STAB1: variants seen among roughly 807,000 people sequenced by gnomAD.
STAB1 encodes the protein stabilin-1.
In STAB1, 250 loss-of-function variants were observed where a neutral mutation model predicts 332.4. The ratio of observed to expected loss-of-function variants is 0.75; its 90% CI spans 0.68 to 0.84. The LOEUF (loss-of-function observed/expected upper bound fraction) is 0.84, where lower values mean the gene tolerates loss of function less well. Ranked by LOEUF, STAB1 falls within the 40% of genes least tolerant of loss-of-function variation. STAB1 has a pLI of 0.00. For synonymous variants in STAB1, 1,475 were observed against 1,390.4 expected, an observed-to-expected ratio of 1.06 and a Z score of -1.35; for missense variants, 3,249 against 3,489.7, an observed-to-expected ratio of 0.93 and a Z score of 1.74.
intron 16 of STAB1, 90 bp downstream of exon 16, chr3:52,506,026 C>T (rs765265424): frequency 3.4e-4 from 522 of 1,549,134 alleles, no homozygotes; most frequent in Non-Finnish European, 4.3e-4. Context: ...ATCTCTTCTC[C>T]ATCTCCCTTC....
At position 52,523,032 on chromosome 3, in the gene STAB1, C is replaced by G. The variant is rs1266219100; in HGVS notation, c.6918C>G (p.Ala2306=). 3 of 1,573,688 alleles carry G rather than the reference C, an allele frequency of 1.9e-6. No homozygotes were observed. Among genetic ancestry groups the G allele is most frequent in the East Asian group, 2.3e-5 (1 of 44,434 alleles). The change falls in exon 63 of 69, where the codon GCC becomes GCG. Residue 2306 remains alanine (A), a synonymous_variant. Coordinates refer to ENST00000321725, the MANE Select transcript of STAB1 (RefSeq NM_015136.3). ...DAYCFRVQDV[A]CRCRNGFVGD... is the part of the protein sequence containing the mutation. ...GACCTGCTTTTCCTGCAGATGTGGCCTGCCGATGCCGAAATGGCTTCGTGG... is the reference window on the plus strand; with the variant it reads ...GACCTGCTTTTCCTGCAGATGTGGCGTGCCGATGCCGAAATGGCTTCGTGG...
In STAB1 at chr3:52,520,187, T is replaced by G. The variant is rs191511152; in HGVS notation, c.5413-17T>G. The G allele has an allele frequency of 6.2e-7, 1 of 1,613,034 alleles. No homozygotes were observed. The highest frequency in any genetic ancestry group is 8.5e-7 in the Non-Finnish European group (1 of 1,180,008). ...CAGCCTGCCTTTCCACCTCCAACCA[T>G]GACTCCACTTGCTCAGGCCTTGGCA... On this transcript the variant is annotated splice_polypyrimidine_tract_variant and intron_variant, in intron 51 of 68. Coordinates refer to ENST00000321725, the MANE Select transcript of STAB1 (RefSeq NM_015136.3).
Position 52,513,770 on chromosome 3 carries a change from C to T in STAB1, c.3324C>T (p.Asn1108=), listed in dbSNP as rs147729985. The T allele has an allele frequency of 4.1e-4, 669 of 1,613,400 alleles. 1 individual carries two copies. The highest frequency in any genetic ancestry group is 3.2e-3 in the African/African-American group (239 of 75,048). Residue 1108 remains asparagine, a synonymous_variant, in exon 31 of 69, where the codon AAC becomes AAT. Coordinates refer to ENST00000321725, the MANE Select transcript of STAB1 (RefSeq NM_015136.3). The part of the protein sequence containing the change: ...SVDVADLLAT[N]GVLHILSQVL... ...ATGTGGCTGACCTCCTTGCCACCAA[C>T]GGTGTCCTACACATCCTCAGCCAGG... is the stretch of plus-strand genomic sequence containing the variant.
At chr3:52,497,128 A>G (rs940535134) in intron 1 of STAB1, among the ~76,000 whole-genome samples, 1 of 152,050 alleles carries the variant, frequency 6.6e-6, no homozygotes, top group African/African-American at 2.4e-5. Flanking sequence ...CAGCCTCCCG[A>G]GAACTGGGAT....
Position 52,508,339 on chromosome 3 carries a change from C to T in STAB1, c.2215C>T (p.Pro739Ser). 2 of 1,613,882 alleles carry T rather than the reference C, an allele frequency of 1.2e-6. No homozygotes were observed. The highest frequency in any genetic ancestry group is 2.2e-5 in the South Asian group (2 of 91,080). Residue 739 changes from proline (P) to serine (S), a missense_variant, in exon 21 of 69, where the codon CCC (proline) becomes TCC (serine). Coordinates refer to ENST00000321725, the MANE Select transcript of STAB1 (RefSeq NM_015136.3). ...CTQCPGGFSN[P>S]CYGKGNCSDG... ...GCAGTGTCCTGGGGGCTTCTCCAAC[C>T]CCTGCTATGGCAAAGGCAATGTGAG...
chr3:52,517,540 C>A lies in STAB1; in HGVS notation c.4564-10C>A, dbSNP rs765998016. On this transcript the variant is annotated splice_polypyrimidine_tract_variant and intron_variant, in intron 43 of 68. Transcript: ENST00000321725. ...CTCCCAGCAGCCCCACTGATCAAGA[C>A]TGGGGACAGGTCTCCTGCAGCTGCC... 1 of 1,612,180 alleles carries A rather than the reference C, an allele frequency of 6.2e-7. No individual in the cohort carries two copies. Among genetic ancestry groups the A allele is most frequent in the East Asian group, 2.2e-5 (1 of 44,870 alleles).
rs4234633 is a variant in STAB1, at chr3:52,523,022, C to A, written c.6911-3C>A. On this transcript the variant is annotated splice_region_variant and splice_polypyrimidine_tract_variant and intron_variant, in intron 62 of 68. Coordinates refer to ENST00000321725, the MANE Select transcript of STAB1 (RefSeq NM_015136.3). ...CTGAGCCACTGACCTGCTTTTCCTG[C>A]AGATGTGGCCTGCCGATGCCGAAAT... 1.3e-6 allele frequency: 2 copies of A among 1,577,430 alleles called. No individual in the cohort carries two copies. The highest frequency in any genetic ancestry group is 1.7e-5 in the Admixed American group (1 of 58,518).
chr3:52,524,187 A>G lies in STAB1; in HGVS notation c.7630A>G (p.Ser2544Gly). The G allele has an allele frequency of 6.2e-7, 1 of 1,614,092 alleles. No individual in the cohort carries two copies. The highest frequency in any genetic ancestry group is 8.5e-7 in the Non-Finnish European group (1 of 1,180,028). ...CTCTGTCCCCAACCCTGTCTTTGGC[A>G]GCGACACCTTTTGTGAACCCTTCGA... ...LVSVPNPVFGSDTFCEPFDDS... is the reference protein window; with the variant it reads ...LVSVPNPVFGGDTFCEPFDDS... The change falls in exon 68 of 69, where the codon AGC (serine) becomes GGC (glycine). Residue 2544 changes from serine (S) to glycine (G), a missense_variant. Ser to Gly is a moderately conservative substitution (Grantham distance 56). Transcript: ENST00000321725.
rs752349401 is a variant in STAB1, at chr3:52,506,791, C to G, written c.1930C>G (p.Pro644Ala). 27 of 1,613,106 alleles carry G rather than the reference C, an allele frequency of 1.7e-5. No homozygotes were observed. Among genetic ancestry groups the G allele is most frequent in the Non-Finnish European group, 2.2e-5 (26 of 1,179,960 alleles). ...IHMLDGILLPPTILPILPKHC... is the reference protein window; with the variant it reads ...IHMLDGILLPATILPILPKHC... ...CATGCTGGACGGCATCCTGCTGCCC[C>G]CGACCATCCTGCCCATCCTGCCCAA... is the stretch of plus-strand genomic sequence containing the variant. The change falls in exon 18 of 69, where the codon CCG (proline) becomes GCG (alanine). Residue 644 changes from proline (P) to alanine (A), a missense_variant. Transcript: ENST00000321725.
Position 52,516,348 on chromosome 3 carries a change from C to A in STAB1, c.4145-8C>A. 6.2e-7 allele frequency: 1 copy of A among 1,606,698 alleles called. No individual in the cohort carries two copies. Among genetic ancestry groups the A allele is most frequent in the African/African-American group, 1.3e-5 (1 of 74,764 alleles). ...GGGCAACTCCTATCCTCCTTTATAC[C>A]ACTGCAGTGTGTGACTGTGCCCATG... On this transcript the variant is annotated splice_region_variant and splice_polypyrimidine_tract_variant and intron_variant, in intron 38 of 68. Coordinates refer to ENST00000321725, the MANE Select transcript of STAB1 (RefSeq NM_015136.3).
Position 52,509,364 on chromosome 3 carries a change from G to T in STAB1, c.2347+43G>T, listed in dbSNP as rs372764606. 4 of 1,573,194 alleles carry T rather than the reference G, an allele frequency of 2.5e-6. No homozygotes were observed. The South Asian group carries it at 4.5e-5, about 18-fold the overall frequency. ...AGGCCACCTCCTAGGGAGAAAAAAC[G>T]TCTGCCTAAAGATGGGTCTGGGGGC... On this transcript the variant is annotated intron_variant, in intron 22 of 68. Transcript: ENST00000321725.
In STAB1 at chr3:52,504,530, T is replaced by C. The variant is rs1559677836; in HGVS notation, c.1220T>C (p.Phe407Ser). The C allele has an allele frequency of 3.7e-6, 6 of 1,613,952 alleles. No individual in the cohort carries two copies. In the South Asian group the frequency reaches 6.6e-5, roughly 18 times the overall value. ...GTGCTGGTGCCATCCGTCTCCTCCT[T>C]CTCCTCCAGGACCATGAATGTAAGC... ...FTVLVPSVSS[F>S]SSRTMNASLA... The change falls in exon 11 of 69, where the codon TTC becomes TCC. Residue 407 changes from phenylalanine to serine, a missense_variant. Physicochemically the swap from Phe to Ser is radical, Grantham distance 155 (BLOSUM62 -2). Transcript: ENST00000321725.
rs752451488 is a variant in STAB1, at chr3:52,517,612, C to T, written c.4626C>T (p.Asp1542=). ...GCATCCGGACCTGCGAGCTCCTGGA[C>T]CCCTGCTCTAAGGTCAGGACCCTAG... The part of the protein sequence containing the change: ...GDGIRTCELL[D]PCSKNNGGCS... The change falls in exon 44 of 69, where the codon GAC becomes GAT. Residue 1542 remains aspartate, a synonymous_variant. Transcript: ENST00000321725. The T allele has an allele frequency of 6.2e-7, 1 of 1,612,876 alleles. No homozygotes were observed. Among genetic ancestry groups the T allele is most frequent in the Admixed American group, 1.7e-5 (1 of 59,992 alleles).
At chr3:52,501,421 G>A (rs1708433686) in intron 2 of STAB1, 119 bp downstream of exon 2, 2 of 1,478,604 alleles carry the variant, frequency 1.4e-6, no homozygotes, top group Non-Finnish European at 1.8e-6. Flanking sequence ...TGCCCCTGTG[G>A]CCCCACCTGG....
rs373494440 is a variant in STAB1 at position 52,524,362 on chromosome 3, C to T, written c.*6C>T. On this transcript the variant is annotated 3_prime_UTR_variant, in exon 69 of 69. Transcript: ENST00000321725. ...GGATCCTCACAGTCAAGTGACGAGGCTGGGGCTGAAAGCAGAAGCATGCAC... is the reference window on the plus strand; with the variant it reads ...GGATCCTCACAGTCAAGTGACGAGGTTGGGGCTGAAAGCAGAAGCATGCAC... 124 of 1,613,568 alleles carry T rather than the reference C, an allele frequency of 7.7e-5. No homozygotes were observed. Among genetic ancestry groups the T allele is most frequent in the Non-Finnish European group, 1.0e-4 (123 of 1,179,988 alleles).
At chr3:52,507,522 T>C in intron 18 of STAB1, 91 bp from the exon 19 acceptor site, 1 of 1,381,454 alleles carries the variant, frequency 7.2e-7, no homozygotes, top group Non-Finnish European at 9.9e-7. Context: ...TTCTCATCCC[T>C]TAATCCCCAC....
At chr3:52,519,913 C>T (rs745889735) in intron 50 of STAB1, 31 bp from the exon 51 acceptor site, 79 of 1,541,168 alleles carry the variant, frequency 5.1e-5, no homozygotes, top group Middle Eastern at 3.6e-4. Flanking sequence ...GACTGGGCAG[C>T]GACTGCCACA....
rs1202443694 is a variant in STAB1, at chr3:52,523,419, G to A, written c.7141-8G>A. The A allele has an allele frequency of 2.5e-6, 4 of 1,608,590 alleles. No homozygotes were observed. The highest frequency in any genetic ancestry group is 1.7e-4 in the Middle Eastern group (1 of 6,054). On this transcript the variant is annotated splice_polypyrimidine_tract_variant and splice_region_variant and intron_variant, in intron 64 of 68. Coordinates refer to ENST00000321725, the MANE Select transcript of STAB1 (RefSeq NM_015136.3). ...GGCCCAGGCCAACAGGCCTTGCTCT[G>A]CTCACAGACGCTGAGTGGCCCAGAC...
chr3:52,502,591 G>C (rs1169066606), intron 5 of STAB1, 41 bp from the exon 6 acceptor site: 20 of 1,563,060 alleles, frequency 1.3e-5, no homozygotes, highest in Non-Finnish European at 1.5e-5. Flanking sequence ...GTGTGCCTGG[G>C]AGAGGCTGGG....
Sources: gnomAD v4.1 joint callset for allele counts (sites outside exome capture counted in the v4.1 genomes callset) on GRCh38, gnomAD v4.1.1 for gene constraint, MANE v1.5 for transcripts, NCBI Gene and HGNC (gene_info 2026-07-23, HGNC 2026-07-21) for gene names.